The following RRAGB variants were observed in gnomAD, a reference collection of about 807,000 sequenced individuals.
RRAGB encodes Ras related GTP binding B.
Under a neutral mutation model 29.3 loss-of-function variants are expected in RRAGB, and 6 were observed. The observed-to-expected ratio is 0.21, with a 90% CI of 0.11 to 0.40. The LOEUF is 0.40. RRAGB is among the 10% of genes least tolerant of loss of function. RRAGB has a pLI of 1.00. For missense variants in RRAGB, 184 were observed against 272.9 expected (o/e 0.67, Z 2.29); for synonymous variants, 101 against 92.5 (o/e 1.09, Z -0.53).
intron 5 of RRAGB, among the ~76,000 whole-genome samples, chrX:55,740,093 C>T (rs1245308591): frequency 1.8e-5 from 2 of 111,405 alleles, no homozygotes; most frequent in African/African-American, 6.5e-5. Context: ...GAGGCCGTGG[C>T]GGGCGGATCA....
At chrX:55,747,667 G>C (rs902613598) in intron 5 of RRAGB, among the ~76,000 whole-genome samples, 1 of 111,658 alleles carries the variant, frequency 9.0e-6, no homozygotes, top group African/African-American at 3.3e-5. Context: ...GTGGTATTTT[G>C]TGTATCTCTG....
At chrX:55,727,495 A>C (rs992858105) in intron 3 of RRAGB, 5 of 457,891 alleles carry the variant, frequency 1.1e-5, no homozygotes, top group Non-Finnish European at 1.6e-5. Flanking sequence ...AATTCATTGA[A>C]TCCTCATAGT....
intron 5 of RRAGB, among the ~76,000 whole-genome samples, chrX:55,746,219 A>T (rs1236685457): frequency 2.7e-5 from 3 of 111,703 alleles, no homozygotes; most frequent in Non-Finnish European, 5.6e-5. Flanking sequence ...ATTCAAATTA[A>T]ATTTTTTATC....
Position 55,757,291 on chromosome X carries a change from C to T in RRAGB, c.903C>T (p.Ser301=), listed in dbSNP as rs1453900146. 1.7e-6 allele frequency: 2 copies of T among 1,190,256 alleles called. No individual in the cohort carries two copies. The highest frequency in any genetic ancestry group is 3.7e-5 in the South Asian group (2 of 53,899). The change falls in exon 9 of 10, where the codon TCC becomes TCT. Residue 301 remains serine, a synonymous_variant. Transcript: ENST00000374941. ...NFAAFIDIFT[S]NTYVMVVMSD... ...CTGCTTTCATTGACATCTTTACATC[C>T]AACACTTATGTGATGGTTGTGATGT... is the stretch of plus-strand genomic sequence containing the variant.
intron 7 of RRAGB, chrX:55,755,510 C>A (rs2034634399): frequency 2.7e-6 from 2 of 733,341 alleles, no homozygotes; most frequent in Non-Finnish European, 3.2e-6. Flanking sequence ...TTGATTGATA[C>A]TTTTTAAAAA....
chrX:55,726,840 T>C (rs948787664), intron 3 of RRAGB, among the ~76,000 whole-genome samples: 4 of 111,522 alleles, frequency 3.6e-5, no homozygotes, highest in African/African-American at 1.3e-4. Flanking sequence ...TTGTAATATA[T>C]GTCAGAAAGG....
At position 55,751,232 on chromosome X, in the gene RRAGB, G is replaced by A. The variant is rs1458063601; in HGVS notation, c.612+36G>A. On this transcript the variant is annotated intron_variant, in intron 6 of 9. Transcript: ENST00000374941. Reference sequence around the variant, plus strand: ...CTCCCTGAGTTCCCTCATTTTAAGAGCATGAAAAAAAACCTAGAAGGATAT... The same window carrying A: ...CTCCCTGAGTTCCCTCATTTTAAGAACATGAAAAAAAACCTAGAAGGATAT... 5 of 775,188 alleles carry A rather than the reference G, an allele frequency of 6.5e-6. No homozygotes were observed. The Admixed American group carries it at 8.9e-5, about 14-fold the overall frequency. 63.9% of individuals were successfully genotyped at this position (775,188 alleles called of 1,213,427 possible).
intron 4 of RRAGB, among the ~76,000 whole-genome samples, chrX:55,730,730 A>T (rs2033648425): frequency 8.9e-6 from 1 of 111,974 alleles, no homozygotes; most frequent in African/African-American, 3.2e-5. Context: ...AAGCTGGGAA[A>T]CAATGAAGGA....
intron 3 of RRAGB, among the ~76,000 whole-genome samples, chrX:55,723,612 C>G (rs890696199): frequency 9.1e-6 from 1 of 109,617 alleles, no homozygotes; most frequent in African/African-American, 3.3e-5. Flanking sequence ...GGCTGGAGTG[C>G]AGTGGCATGA....
rs777650195 is a variant in RRAGB, at chrX:55,742,513, C to G, written c.517-8588C>G. Among the ~76,000 whole-genome samples, 5 of 112,354 alleles carry G rather than the reference C, an allele frequency of 4.5e-5. No homozygotes were observed. In the East Asian group the frequency reaches 1.4e-3, roughly 31 times the overall value. On this transcript the variant is annotated intron_variant, in intron 5 of 9. Transcript: ENST00000374941. ...TATTTTGGAGGAGCAATCCAGTTTC[C>G]CCATAGTAGTCAGGATCAGTCAGTC... is the stretch of plus-strand genomic sequence containing the variant.
At chrX:55,740,255 G>A (rs999803233) in intron 5 of RRAGB, among the ~76,000 whole-genome samples, 4 of 110,602 alleles carry the variant, frequency 3.6e-5, no homozygotes, top group Non-Finnish European at 5.7e-5. Flanking sequence ...CCCAGGAGGC[G>A]GAGCTTGCAG....
At chrX:55,733,902 A>T (rs1219365592) in intron 5 of RRAGB, among the ~76,000 whole-genome samples, 1 of 108,937 alleles carries the variant, frequency 9.2e-6, no homozygotes, top group African/African-American at 3.3e-5. Flanking sequence ...GTCTCATAGA[A>T]CTTGGCTATG....
chrX:55,719,299 G>T lies in RRAGB; in HGVS notation c.93-15G>T, dbSNP rs1396548321. The T allele has an allele frequency of 1.7e-6, 2 of 1,179,569 alleles. No homozygotes were observed. Among genetic ancestry groups the T allele is most frequent in the Non-Finnish European group, 2.3e-6 (2 of 877,245 alleles). On this transcript the variant is annotated splice_polypyrimidine_tract_variant and intron_variant, in intron 1 of 9. Transcript: ENST00000374941. ...AATTGGATCATGGAAACTGTTTTTTGGTTTATATCTGCAGGTGGGTGCTAC... is the reference window on the plus strand; with the variant it reads ...AATTGGATCATGGAAACTGTTTTTTTGTTTATATCTGCAGGTGGGTGCTAC...
intron 5 of RRAGB, among the ~76,000 whole-genome samples, chrX:55,735,225 C>T (rs1208086162): frequency 1.8e-5 from 2 of 111,940 alleles, no homozygotes; most frequent in African/African-American, 6.5e-5. Context: ...TGTTGTAGTC[C>T]TCCACTATAA....
chrX:55,752,290 CTGCGGTGTGAAGGA>C, intron 6 of RRAGB: 3 of 752,329 alleles, frequency 4.0e-6, no homozygotes, highest in Non-Finnish European at 4.7e-6. Context: ...TAAGAACCAA[CTGCGGTGTGAAGGA>C]TGGCAATACA....
rs1365340807 is a variant in RRAGB, at chrX:55,718,166, C to T, written c.-162C>T. The T allele has an allele frequency of 2.9e-6, 1 of 344,736 alleles. No individual in the cohort carries two copies. The highest frequency in any genetic ancestry group is 5.2e-5 in the Admixed American group (1 of 19,187). 28.4% of individuals were successfully genotyped at this position (344,736 alleles called of 1,213,427 possible). On this transcript the variant is annotated 5_prime_UTR_variant, in exon 1 of 10. Transcript: ENST00000374941. ...ATAAAGGTAACCGTGGGGAAAGCGG[C>T]CCCCCAGTGGACAAAGGCGGAGGCA...
chrX:55,753,328 T>C (rs1395409676), intron 6 of RRAGB, 64 bp from the exon 7 acceptor site: 17 of 1,054,772 alleles, frequency 1.6e-5, no homozygotes, highest in Non-Finnish European at 2.2e-5. Flanking sequence ...GTGTACTTAC[T>C]AATTTCAAAG....
At chrX:55,755,272 C>G in intron 7 of RRAGB, 1 of 751,332 alleles carries the variant, frequency 1.3e-6, no homozygotes, top group Non-Finnish European at 1.6e-6. Context: ...ATAGGTAATA[C>G]TTGTGTGGTT....
intron 1 of RRAGB, among the ~76,000 whole-genome samples, 193 bp downstream of exon 1, chrX:55,718,612 C>T (rs1320620934): frequency 1.8e-5 from 2 of 111,964 alleles, no homozygotes; most frequent in East Asian, 2.8e-4. Flanking sequence ...CAGAAACAAC[C>T]CTTGGGAAGG....
Sources: allele counts gnomAD v4.1 joint callset (sites outside exome capture counted in the v4.1 genomes callset), GRCh38; gene constraint gnomAD v4.1.1; transcripts MANE v1.5; gene names NCBI Gene and HGNC (gene_info 2026-07-23, HGNC 2026-07-21).